CALD1: variants seen among roughly 807,000 people sequenced by gnomAD.
CALD1 encodes the protein caldesmon.
Under a neutral mutation model 99.9 loss-of-function variants are expected in CALD1, and 33 were observed. The ratio of observed to expected loss-of-function variants is 0.33; its 90% CI spans 0.25 to 0.44. CALD1 has a LOEUF of 0.44. Ranked by LOEUF, CALD1 falls within the 20% of genes least tolerant of loss-of-function variation. The pLI, the probability that CALD1 is intolerant of heterozygous loss-of-function variation, is 1.00. For synonymous variants in CALD1, 310 were observed against 325.0 expected (o/e 0.95, Z 0.50); for missense variants, 861 against 962.1 (o/e 0.89, Z 1.39).
intron 2 of CALD1, among the ~76,000 whole-genome samples, chr7:134,848,040 C>A (rs1160446099): frequency 6.6e-6 from 1 of 152,036 alleles, no homozygotes; most frequent in African/African-American, 2.4e-5. Flanking sequence ...GTGAACATCT[C>A]ATACCACGCC....
chr7:134,727,467 G>C, the CALD1 span, among the ~76,000 whole-genome samples: 1 of 152,206 alleles, frequency 6.6e-6, no homozygotes, highest in Non-Finnish European at 1.5e-5. Context: ...ACATCATCTA[G>C]TCCACAAAAT....
intron 3 of CALD1, chr7:134,891,345 A>G: frequency 8.3e-7 from 1 of 1,200,182 alleles, no homozygotes; most frequent in Non-Finnish European, 1.0e-6. Context: ...GGCTTCTATT[A>G]GAGAGATTAC....
intron 7 of CALD1, 86 bp downstream of exon 7, chr7:134,941,323 A>G: frequency 1.8e-6 from 2 of 1,107,648 alleles, no homozygotes; most frequent in South Asian, 1.6e-5. Flanking sequence ...CTGTGCTTCC[A>G]GACAGAAACG....
intron 3 of CALD1, among the ~76,000 whole-genome samples, chr7:134,895,587 G>A (rs1802516832): frequency 6.6e-6 from 1 of 151,924 alleles, no homozygotes; most frequent in Non-Finnish European, 1.5e-5. Context: ...TGCCTGTCAT[G>A]GTCCCGCTCC....
At chr7:134,786,327 T>C (rs1160493741) in intron 1 of CALD1, among the ~76,000 whole-genome samples, 1 of 152,256 alleles carries the variant, frequency 6.6e-6, no homozygotes, top group Non-Finnish European at 1.5e-5. Context: ...AAAAGAGTTA[T>C]TGAATTCATA....
chr7:134,960,173 G>T, intron 12 of CALD1, 62 bp downstream of exon 12: 2 of 1,568,022 alleles, frequency 1.3e-6, no homozygotes, highest in South Asian at 1.1e-5. Context: ...TGTCGATTTT[G>T]ATTTAGGAAT....
intron 1 of CALD1, among the ~76,000 whole-genome samples, chr7:134,782,462 A>C (rs1797144196): frequency 6.6e-6 from 1 of 152,226 alleles, no homozygotes; most frequent in South Asian, 2.1e-4. Context: ...AGATGCCCAT[A>C]AGTCCTGAGT....
the CALD1 span, among the ~76,000 whole-genome samples, chr7:134,738,823 T>C: frequency 6.6e-6 from 1 of 152,198 alleles, no homozygotes; most frequent in Non-Finnish European, 1.5e-5. Context: ...GATACAAATG[T>C]TGGCCAAAAG....
intron 3 of CALD1, among the ~76,000 whole-genome samples, chr7:134,879,271 G>A (rs1038094907): frequency 3.9e-5 from 6 of 152,220 alleles, no homozygotes; most frequent in South Asian, 2.1e-4. Flanking sequence ...TGTGTAAGTG[G>A]ATTCTCATTC....
At chr7:134,956,501 A>T (rs1032050814) in intron 9 of CALD1, among the ~76,000 whole-genome samples, 1 of 152,218 alleles carries the variant, frequency 6.6e-6, no homozygotes, top group African/African-American at 2.4e-5. Context: ...TCTATTCTGC[A>T]CTATATGAGG....
chr7:134,850,141 A>AAACATCATTTTTT (rs1800016796), intron 2 of CALD1, among the ~76,000 whole-genome samples: 2 of 152,232 alleles, frequency 1.3e-5, no homozygotes, highest in African/African-American at 4.8e-5. Context: ...TAAACAGAAG[A>AAACATCATTTTTT]TTCATTTTTA....
At chr7:134,898,180 C>T (rs1802721061) in intron 3 of CALD1, among the ~76,000 whole-genome samples, 1 of 152,182 alleles carries the variant, frequency 6.6e-6, no homozygotes, top group African/African-American at 2.4e-5. Flanking sequence ...CTGTGATCTG[C>T]AGCAAGTCGC....
chr7:134,753,114 T>C (rs1796700009), intron 1 of CALD1, among the ~76,000 whole-genome samples: 1 of 152,068 alleles, frequency 6.6e-6, no homozygotes, highest in Admixed American at 6.5e-5. Flanking sequence ...AATGCTATAT[T>C]GGGTCCATGC....
chr7:134,960,084 C>T lies in CALD1; in HGVS notation c.2172C>T (p.Ser724=), dbSNP rs369453250. The change falls in exon 12 of 15, where the codon TCC becomes TCT. Residue 724 remains serine (S), a synonymous_variant. Transcript: ENST00000361675. Reference sequence around the variant, plus strand: ...GGGAGAAAGGGAATGTGTTTTCATCCCCCACTGCAGCAGGCACACCAAATA... The same window carrying T: ...GGGAGAAAGGGAATGTGTTTTCATCTCCCACTGCAGCAGGCACACCAAATA... ...SMWEKGNVFS[S]PTAAGTPNKE... 4.6e-5 allele frequency: 74 copies of T among 1,614,000 alleles called. No individual in the cohort carries two copies. Among genetic ancestry groups the T allele is most frequent in the Non-Finnish European group, 5.8e-5 (69 of 1,179,994 alleles).
chr7:134,732,520 G>A, the CALD1 span, among the ~76,000 whole-genome samples: 2 of 152,186 alleles, frequency 1.3e-5, no homozygotes, highest in African/African-American at 4.8e-5. Context: ...CACAGAAGGT[G>A]CCATCTATAA....
upstream of CALD1, among the ~76,000 whole-genome samples, chr7:134,775,992 A>G (rs745789148): frequency 2.0e-5 from 3 of 152,194 alleles, no homozygotes; most frequent in Non-Finnish European, 4.4e-5. Context: ...TGCATCTTGA[A>G]CTTAATTCCA....
intron 3 of CALD1, among the ~76,000 whole-genome samples, chr7:134,904,267 GATA>G (rs368383222): frequency 6.6e-5 from 10 of 151,694 alleles, no homozygotes; most frequent in African/African-American, 2.4e-4. Context: ...CAATAAGTGG[GATA>G]ATTATTGAAT....
At chr7:134,818,231 T>C (rs1448290489) in intron 1 of CALD1, among the ~76,000 whole-genome samples, 1 of 152,216 alleles carries the variant, frequency 6.6e-6, no homozygotes, top group Non-Finnish European at 1.5e-5. Context: ...TTTTGAGGGA[T>C]AAGATAGCAA....
At chr7:134,740,737 G>A (rs970783158), upstream of CALD1, among the ~76,000 whole-genome samples, 1 of 152,200 alleles carries the variant, frequency 6.6e-6, no homozygotes, top group African/African-American at 2.4e-5. Context: ...CTGCACCCAA[G>A]GCATACTGCT....
Sources: allele counts gnomAD v4.1 joint callset (sites outside exome capture counted in the v4.1 genomes callset), GRCh38; gene constraint gnomAD v4.1.1; transcripts MANE v1.5; gene names NCBI Gene and HGNC (gene_info 2026-07-23, HGNC 2026-07-21).